PRKCH: variants seen among roughly 807,000 people sequenced by gnomAD.
PRKCH encodes protein kinase C eta.
Under a neutral mutation model 82.5 loss-of-function variants are expected in PRKCH, and 28 were observed. The observed-to-expected ratio is 0.34, with a 90% confidence interval of 0.25 to 0.47. The LOEUF is 0.47. PRKCH is among the 20% of genes least tolerant of loss of function. PRKCH has a pLI of 1.00. For synonymous variants in PRKCH, 322 were observed against 327.4 expected (o/e 0.98, Z 0.18); for missense variants, 705 against 881.8 (o/e 0.80, Z 2.54).
chr14:61,308,870 C>A (rs2045501563), intron 1 of PRKCH, among the ~76,000 whole-genome samples: 8 of 151,864 alleles, frequency 5.3e-5, no homozygotes. Context: ...CTCAAGCAAT[C>A]CTCCAGCGTC....
chr14:61,532,975 A>G (rs576940978), intron 12 of PRKCH, among the ~76,000 whole-genome samples: 1 of 152,224 alleles, frequency 6.6e-6, no homozygotes, highest in East Asian at 1.9e-4. Flanking sequence ...CCTAAATAAC[A>G]CTCGACGCTC....
At chr14:61,384,143 G>A (rs1321876329) in intron 1 of PRKCH, among the ~76,000 whole-genome samples, 2 of 152,216 alleles carry the variant, frequency 1.3e-5, no homozygotes, top group Non-Finnish European at 2.9e-5. Context: ...GGGAAAAACA[G>A]ATGGTCACGG....
chr14:61,497,710 TTGAG>T (rs1305525475), intron 10 of PRKCH, among the ~76,000 whole-genome samples: 2 of 152,152 alleles, frequency 1.3e-5, no homozygotes, highest in Non-Finnish European at 2.9e-5. Flanking sequence ...ATTGAAACTA[TTGAG>T]TGTCTTCAAA....
At position 61,346,075 on chromosome 14, in the gene PRKCH, A is replaced by T. The variant is rs144933228; in HGVS notation, c.363+23611A>T. 1.8e-3 allele frequency among the ~76,000 whole-genome samples: 277 copies of T among 152,292 alleles called. 2 individuals are homozygous for T. The highest frequency in any genetic ancestry group is 8.2e-3 in the Admixed American group (125 of 15,286). The stretch of plus-strand genomic sequence containing the variant: ...GAAATGATTAAAGGTTTAAGAGTTG[A>T]TAGGGCCCTGGGTAGCAGGGACACT... On this transcript the variant is annotated intron_variant, in intron 1 of 13. Coordinates refer to ENST00000332981, the MANE Select transcript of PRKCH (RefSeq NM_006255.5).
intron 9 of PRKCH, among the ~76,000 whole-genome samples, chr14:61,471,628 G>T (rs1885508544): frequency 6.6e-6 from 1 of 151,696 alleles, no homozygotes. Flanking sequence ...AGGTCAGGTT[G>T]TTTTAATAAT....
intron 9 of PRKCH, among the ~76,000 whole-genome samples, chr14:61,477,664 T>C (rs1207145572): frequency 1.3e-5 from 2 of 152,238 alleles, no homozygotes; most frequent in African/African-American, 4.8e-5. Context: ...TTAGAAAACT[T>C]ATCAGAACTG....
rs577440752 is a variant in PRKCH, at chr14:61,399,287, C to A, written c.427+7999C>A. Among the ~76,000 whole-genome samples, 7 of 152,254 alleles carry A rather than the reference C, an allele frequency of 4.6e-5. 1 individual carries two copies. Among genetic ancestry groups the A allele is most frequent in the African/African-American group, 1.7e-4 (7 of 41,552 alleles). On this transcript the variant is annotated intron_variant, in intron 2 of 13. Coordinates refer to ENST00000332981, the MANE Select transcript of PRKCH (RefSeq NM_006255.5). ...AAAAGTAAAATAAAATGACAAATTTCAAGAATATCTGCTTCTTAAACAAAA... is the reference window on the plus strand; with the variant it reads ...AAAAGTAAAATAAAATGACAAATTTAAAGAATATCTGCTTCTTAAACAAAA...
chr14:61,241,607 T>C (rs1461612685), intron 1 of PRKCH, among the ~76,000 whole-genome samples: 1 of 152,182 alleles, frequency 6.6e-6, no homozygotes, highest in African/African-American at 2.4e-5. Flanking sequence ...AAATATGTAT[T>C]TTACTGTAGC....
chr14:61,489,676 A>G (rs568439756), intron 10 of PRKCH, among the ~76,000 whole-genome samples: 11 of 152,202 alleles, frequency 7.2e-5, no homozygotes, highest in Admixed American at 2.0e-4. Flanking sequence ...AGGGGAAAAA[A>G]AGAAGACTAT....
chr14:61,282,778 G>C (rs1027075054), intron 1 of PRKCH, among the ~76,000 whole-genome samples: 8 of 152,034 alleles, frequency 5.3e-5, no homozygotes, highest in Admixed American at 1.3e-4. Context: ...TTGGAAACCA[G>C]GTATTATAGA....
At chr14:61,396,951 A>C (rs2046794658) in intron 2 of PRKCH, among the ~76,000 whole-genome samples, 1 of 152,192 alleles carries the variant, frequency 6.6e-6, no homozygotes, top group African/African-American at 2.4e-5. Flanking sequence ...TGTTCACACC[A>C]CTTGTAGGCT....
chr14:61,505,532 C>T (rs573716787), intron 10 of PRKCH, among the ~76,000 whole-genome samples: 3 of 151,388 alleles, frequency 2.0e-5, no homozygotes, highest in East Asian at 1.9e-4. Context: ...TGTGCCACCA[C>T]GCCTGGCCAA....
intron 2 of PRKCH, among the ~76,000 whole-genome samples, chr14:61,413,076 T>C (rs1446803377): frequency 1.3e-5 from 2 of 152,146 alleles, no homozygotes; most frequent in South Asian, 4.1e-4. Flanking sequence ...GATCATAGTA[T>C]CCTCAGCTAC....
At chr14:61,402,650 T>A (rs1204567644) in intron 2 of PRKCH, among the ~76,000 whole-genome samples, 1 of 151,602 alleles carries the variant, frequency 6.6e-6, no homozygotes. Flanking sequence ...CAAAAAAAAA[T>A]TAGCTGGGTG....
intron 1 of PRKCH, among the ~76,000 whole-genome samples, chr14:61,287,204 T>TAAAAA (rs35045657): frequency 3.1e-4 from 18 of 57,928 alleles, no homozygotes; most frequent in East Asian, 2.3e-3. Flanking sequence ...GACTCCGTCT[T>TAAAAA]AAAAAAAAAA....
intron 9 of PRKCH, among the ~76,000 whole-genome samples, chr14:61,480,248 C>T (rs553920375): frequency 4.5e-4 from 69 of 152,316 alleles, no homozygotes; most frequent in African/African-American, 1.6e-3. Context: ...CCCCTCTCTG[C>T]CATAGGAGTG....
chr14:61,400,822 T>A (rs540209535), intron 2 of PRKCH, among the ~76,000 whole-genome samples: 2 of 152,188 alleles, frequency 1.3e-5, no homozygotes, highest in African/African-American at 2.4e-5. Flanking sequence ...ATTCTCAGTA[T>A]GCAAATGGTG....
rs2043309584 is a variant in PRKCH, at chr14:61,550,261, CAAG to C, written c.*434_*436del. On this transcript the variant is annotated 3_prime_UTR_variant, in exon 14 of 14. Transcript: ENST00000332981. The stretch of plus-strand genomic sequence containing the variant: ...ATGAACCCCAATTCCTGGCAGTCTA[CAAG>C]AAGTCTCTTAATGCTAATGAAGAAT... The C allele has an allele frequency of 6.4e-6, 1 of 155,708 alleles. No homozygotes were observed. Among genetic ancestry groups the C allele is most frequent in the Non-Finnish European group, 1.4e-5 (1 of 70,544 alleles). The allele number at this position is 155,708 out of a possible 1,614,324, so 9.6% of individuals were successfully genotyped here. A position where few individuals can be genotyped will look rare whatever the true frequency, so the allele number is the denominator to read the frequency against.
At chr14:61,270,833 G>C (rs1050542442) in intron 1 of PRKCH, among the ~76,000 whole-genome samples, 2 of 152,176 alleles carry the variant, frequency 1.3e-5, no homozygotes, top group Admixed American at 1.3e-4. Flanking sequence ...AATTAGCTGG[G>C]TGTGATGGCA....
Sources: gnomAD v4.1 joint callset for allele counts (sites outside exome capture counted in the v4.1 genomes callset) on GRCh38, gnomAD v4.1.1 for gene constraint, MANE v1.5 for transcripts, NCBI Gene and HGNC (gene_info 2026-07-23, HGNC 2026-07-21) for gene names.